The following NADK2 variants were observed in gnomAD, a reference collection of about 807,000 sequenced individuals.
The protein encoded by NADK2 is NAD kinase domain-containing protein 1, mitochondrial.
A neutral mutation model predicts 62.1 loss-of-function variants in NADK2; 35 were observed. That is an observed-to-expected ratio of 0.56 (90% CI 0.43 to 0.75). NADK2 has a LOEUF of 0.75. NADK2 is among the 30% of genes least tolerant of loss of function. The probability of loss-of-function intolerance (pLI) is 0.00; values close to 1 mark genes in which losing one functional copy is unlikely to be tolerated. For missense variants in NADK2, 439 were observed against 561.3 expected (o/e 0.78, Z 2.20); for synonymous variants, 205 against 207.9 (o/e 0.99, Z 0.12).
chr5:36,217,703 G>T, intron 6 of NADK2, 45 bp downstream of exon 6: 1 of 1,611,220 alleles, frequency 6.2e-7, no homozygotes, highest in South Asian at 1.1e-5. Flanking sequence ...AAGGAGCTAT[G>T]AGTTAAATAT....
Position 36,201,098 on chromosome 5 carries a change from G to T in NADK2, c.1012+8C>A. ...GGGGACTACTCCAATAGCTGTTTTGGTACTCACCAATATTTAAAACATCTT... is the reference window on the plus strand; with the variant it reads ...GGGGACTACTCCAATAGCTGTTTTGTTACTCACCAATATTTAAAACATCTT... On this transcript the variant is annotated splice_region_variant and intron_variant, in intron 9 of 11. Transcript: ENST00000381937. 1 of 1,611,524 alleles carries T rather than the reference G, an allele frequency of 6.2e-7. No individual in the cohort carries two copies.
intron 1 of NADK2, among the ~76,000 whole-genome samples, chr5:36,231,491 G>A (rs559099952): frequency 4.6e-5 from 7 of 152,102 alleles, no homozygotes; most frequent in African/African-American, 1.7e-4. Flanking sequence ...TAAAGGCCTC[G>A]CTGGTTGGGC....
intron 6 of NADK2, chr5:36,212,221 T>C (rs994183239): frequency 4.2e-5 from 8 of 190,258 alleles, no homozygotes; most frequent in African/African-American, 1.9e-4. Flanking sequence ...ATTCTTGTTG[T>C]TACACTTAAT....
At chr5:36,196,089 T>C (rs1409474375) in intron 11 of NADK2, among the ~76,000 whole-genome samples, 1 of 152,086 alleles carries the variant, frequency 6.6e-6, no homozygotes, top group Non-Finnish European at 1.5e-5. Context: ...CTATTGGGAG[T>C]AGAGCTGCTA....
chr5:36,196,326 G>A (rs7716788), intron 11 of NADK2, among the ~76,000 whole-genome samples: 44,936 of 152,006 alleles, frequency 0.3, 7,953 homozygotes, highest in South Asian at 0.44. Context: ...AGCCATTCTG[G>A]TGGGTGTATA....
intron 1 of NADK2, among the ~76,000 whole-genome samples, chr5:36,233,289 C>T (rs1027048085): frequency 2.0e-5 from 3 of 152,098 alleles, no homozygotes; most frequent in Admixed American, 6.5e-5. Flanking sequence ...ACATTTTGGG[C>T]GTCGTATGAA....
rs979669777 is a variant in NADK2 at position 36,192,993 on chromosome 5, C to A, written c.*2151G>T. The A allele has an allele frequency of 6.6e-6, 1 of 152,154 alleles. No individual in the cohort carries two copies. Among genetic ancestry groups the A allele is most frequent in the African/African-American group, 2.4e-5 (1 of 41,430 alleles). The allele number at this position is 152,154 out of a possible 1,614,324, so 9.4% of individuals were successfully genotyped here. A position where few individuals can be genotyped will look rare whatever the true frequency, so the allele number is the denominator to read the frequency against. On this transcript the variant is annotated 3_prime_UTR_variant, in exon 12 of 12. Transcript: ENST00000381937. The stretch of plus-strand genomic sequence containing the variant: ...TTTGCCTCTTATTCTTACAAATAAA[C>A]CCCCATCACAGAGCAGAAATGTTAG...
chr5:36,207,289 G>A, intron 7 of NADK2, 24 bp from the exon 8 acceptor site: 5 of 1,547,834 alleles, frequency 3.2e-6, no homozygotes, highest in Non-Finnish European at 4.5e-6. Flanking sequence ...ATATAAAACT[G>A]TTTGCTGAGC....
chr5:36,236,250 G>T (rs1747904864), intron 1 of NADK2, among the ~76,000 whole-genome samples: 1 of 152,182 alleles, frequency 6.6e-6, no homozygotes, highest in African/African-American at 2.4e-5. Flanking sequence ...ATTCTCTAAT[G>T]GTGACACTTC....
chr5:36,237,778 C>A (rs899705010), intron 1 of NADK2, among the ~76,000 whole-genome samples: 2 of 152,144 alleles, frequency 1.3e-5, no homozygotes, highest in African/African-American at 4.8e-5. Context: ...TAACTGGGGA[C>A]CACATGCCAA....
intron 5 of NADK2, among the ~76,000 whole-genome samples, chr5:36,219,177 T>C (rs1747157004): frequency 6.6e-6 from 1 of 152,176 alleles, no homozygotes; most frequent in Non-Finnish European, 1.5e-5. Flanking sequence ...ATCTATGGAG[T>C]AATCCAAACA....
At position 36,201,093 on chromosome 5, in the gene NADK2, T is replaced by C. The variant is rs1746428701; in HGVS notation, c.1012+13A>G. On this transcript the variant is annotated intron_variant, in intron 9 of 11. Coordinates refer to ENST00000381937, the MANE Select transcript of NADK2 (RefSeq NM_001085411.3). Reference sequence around the variant, plus strand: ...TAAGAGGGGACTACTCCAATAGCTGTTTTGGTACTCACCAATATTTAAAAC... The same window carrying C: ...TAAGAGGGGACTACTCCAATAGCTGCTTTGGTACTCACCAATATTTAAAAC... The C allele has an allele frequency of 6.2e-7, 1 of 1,611,182 alleles. No individual in the cohort carries two copies. Among genetic ancestry groups the C allele is most frequent in the Non-Finnish European group, 8.5e-7 (1 of 1,177,910 alleles).
chr5:36,200,273 T>A lies in NADK2; in HGVS notation c.1020A>T (p.Arg340=), dbSNP rs752535956. The part of the protein sequence containing the change: ...AVEDVLNIAK[R]QGNLSLPLNR... ...TCAATGGAAGACTCAAATTTCCTTGTCGTTTTGCTGTTGAAAAAGGAAAGG... is the reference window on the plus strand; with the variant it reads ...TCAATGGAAGACTCAAATTTCCTTGACGTTTTGCTGTTGAAAAAGGAAAGG... Residue 340 remains arginine (R), a synonymous_variant, in exon 10 of 12, where the codon CGA becomes CGT. Transcript: ENST00000381937. 6.3e-7 allele frequency: 1 copy of A among 1,582,828 alleles called. No homozygotes were observed. The highest frequency in any genetic ancestry group is 8.6e-7 in the Non-Finnish European group (1 of 1,163,722).
intron 1 of NADK2, among the ~76,000 whole-genome samples, chr5:36,233,515 T>C (rs1747785424): frequency 6.6e-6 from 1 of 152,184 alleles, no homozygotes; most frequent in Non-Finnish European, 1.5e-5. Flanking sequence ...TATACTATGA[T>C]TTTCAAATTG....
intron 7 of NADK2, chr5:36,208,707 A>T: frequency 1.3e-6 from 2 of 1,499,004 alleles, no homozygotes. Flanking sequence ...TAGAACAAAT[A>T]GGAGAAAAGA....
chr5:36,240,764 G>T (rs530923335), intron 1 of NADK2, among the ~76,000 whole-genome samples: 2 of 152,104 alleles, frequency 1.3e-5, no homozygotes, highest in South Asian at 4.1e-4. Context: ...CACAAGAGTC[G>T]CAGGCTTTTT....
At chr5:36,203,368 T>C (rs1431576927) in intron 8 of NADK2, among the ~76,000 whole-genome samples, 11 of 152,100 alleles carry the variant, frequency 7.2e-5, no homozygotes, top group African/African-American at 2.4e-4. Context: ...TTCTCTTCTC[T>C]TCCTACATTT....
At chr5:36,217,653 TA>T in intron 6 of NADK2, 94 bp downstream of exon 6, 1 of 763,170 alleles carries the variant, frequency 1.3e-6, no homozygotes, top group Non-Finnish European at 1.9e-6. Context: ...TTAATGACAC[TA>T]AAAACAAGTA....
intron 1 of NADK2, among the ~76,000 whole-genome samples, chr5:36,240,308 G>T (rs1326174367): frequency 6.6e-6 from 1 of 152,222 alleles, no homozygotes; most frequent in Non-Finnish European, 1.5e-5. Context: ...GCCCTCTTCA[G>T]TAAACCCAAC....
Sources: gnomAD v4.1 joint callset for allele counts (sites outside exome capture counted in the v4.1 genomes callset) on GRCh38, gnomAD v4.1.1 for gene constraint, MANE v1.5 for transcripts, NCBI Gene and HGNC (gene_info 2026-07-23, HGNC 2026-07-21) for gene names.